The following RAF1 variants were observed in gnomAD, a reference collection of about 807,000 sequenced individuals.
RAF1 encodes RAF proto-oncogene serine/threonine-protein kinase.
In RAF1, 27 loss-of-function variants were observed where a neutral mutation model predicts 81.1. That is an observed-to-expected ratio of 0.33 (90% CI 0.25 to 0.46). The LOEUF is 0.46. Ranked by LOEUF, RAF1 falls within the 20% of genes least tolerant of loss-of-function variation. RAF1 has a pLI of 1.00. For missense variants in RAF1, 598 were observed against 826.0 expected (o/e 0.72, Z 3.38); for synonymous variants, 298 against 294.0 (o/e 1.01, Z -0.14).
chr3:12,612,774 T>C (rs2059256333), intron 2 of RAF1, among the ~76,000 whole-genome samples: 1 of 151,612 alleles, frequency 6.6e-6, no homozygotes, highest in South Asian at 2.1e-4. Context: ...AAAGATAAAA[T>C]GATAAACTTT....
chr3:12,623,400 A>G (rs1036825026), intron 1 of RAF1, among the ~76,000 whole-genome samples: 1 of 152,238 alleles, frequency 6.6e-6, no homozygotes, highest in African/African-American at 2.4e-5. Flanking sequence ...ATAAAAAGTG[A>G]CAAAATAAAA....
At chr3:12,634,421 G>A (rs1215513291) in intron 1 of RAF1, among the ~76,000 whole-genome samples, 2 of 152,012 alleles carry the variant, frequency 1.3e-5, no homozygotes, top group Non-Finnish European at 2.9e-5. Context: ...AAAATGCTGG[G>A]ATTACGGGCT....
chr3:12,636,912 T>C (rs998659419), intron 1 of RAF1, among the ~76,000 whole-genome samples: 11 of 152,184 alleles, frequency 7.2e-5, no homozygotes, highest in African/African-American at 2.4e-4. Flanking sequence ...CTGAACACTT[T>C]TGGTTTAGTA....
chr3:12,621,259 G>A (rs990543279), intron 1 of RAF1, among the ~76,000 whole-genome samples: 6 of 152,098 alleles, frequency 3.9e-5, no homozygotes, highest in Non-Finnish European at 8.8e-5. Flanking sequence ...TCTGAACTGG[G>A]CTGCACTGAC....
chr3:12,600,644 T>C (rs960497300), intron 8 of RAF1, among the ~76,000 whole-genome samples: 2 of 152,218 alleles, frequency 1.3e-5, no homozygotes, highest in African/African-American at 4.8e-5. Context: ...GGATTTAATA[T>C]TCCACCTCCC....
chr3:12,584,644 A>G lies in RAF1; in HGVS notation c.1877T>C (p.Ile626Thr). Residue 626 changes from isoleucine to threonine, a missense_variant, in exon 18 of 18, where the codon ATT becomes ACT. By Grantham distance (89) the Ile-to-Thr change is moderately conservative. Around this residue, in one of 5 missense-constraint regions of RAF1, gnomAD observed 147 missense variants for 196.1 expected, o/e 0.75. Transcript: ENST00000442415. Reference sequence around the variant, plus strand: ...CGGTAGAGAGTGTTGGAGCAGCTCAATGGAAGACAGGATCTGAAACAAAGC... The same window carrying G: ...CGGTAGAGAGTGTTGGAGCAGCTCAGTGGAAGACAGGATCTGAAACAAAGC... 13 of 1,614,168 alleles carry G rather than the reference A, an allele frequency of 8.1e-6. No homozygotes were observed. Among genetic ancestry groups the G allele is most frequent in the Non-Finnish European group, 1.0e-5 (12 of 1,180,030 alleles).
At chr3:12,658,476 C>T (rs989306272) in intron 1 of RAF1, among the ~76,000 whole-genome samples, 10 of 152,070 alleles carry the variant, frequency 6.6e-5, no homozygotes, top group Admixed American at 4.6e-4. Context: ...GTGGCGCATG[C>T]CTGTAATCCC....
rs1296351149 is a variant in RAF1, at chr3:12,603,553, G to A, written c.835-16C>T. On this transcript the variant is annotated splice_polypyrimidine_tract_variant and intron_variant, in intron 7 of 17. Coordinates refer to ENST00000442415, the MANE Select transcript of RAF1 (RefSeq NM_001354689.3). Reference sequence around the variant, plus strand: ...GGTTGTTATTCTAGTCCAAAGCAATGAGAAATAAAGAAGAATAAAGAACAA... The same window carrying A: ...GGTTGTTATTCTAGTCCAAAGCAATAAGAAATAAAGAAGAATAAAGAACAA... 1 of 696,362 alleles carries A rather than the reference G, an allele frequency of 1.4e-6. No homozygotes were observed. The highest frequency in any genetic ancestry group is 2.6e-6 in the Non-Finnish European group (1 of 381,948). 43.1% of individuals were successfully genotyped at this position (696,362 alleles called of 1,614,324 possible). A position where few individuals can be genotyped will look rare whatever the true frequency, so the allele number is the denominator to read the frequency against.
intron 1 of RAF1, among the ~76,000 whole-genome samples, chr3:12,657,985 T>C (rs915548915): frequency 1.3e-5 from 2 of 152,220 alleles, no homozygotes; most frequent in Non-Finnish European, 2.9e-5. Context: ...GGACATTACA[T>C]ATAAATGGAA....
chr3:12,661,734 A>G (rs561228598), intron 1 of RAF1, among the ~76,000 whole-genome samples: 15 of 152,242 alleles, frequency 9.9e-5, no homozygotes, highest in Non-Finnish European at 1.8e-4. Context: ...ATAATAAAAT[A>G]AAAATTAGTA....
intron 1 of RAF1, among the ~76,000 whole-genome samples, chr3:12,652,127 A>G (rs370395018): frequency 4.0e-5 from 6 of 151,848 alleles, no homozygotes; most frequent in Middle Eastern, 3.4e-3. Flanking sequence ...GAGGCAGGAG[A>G]ATCGCTTGAA....
Position 12,584,465 on chromosome 3 carries a change from G to A in RAF1, c.*49C>T, listed in dbSNP as rs772843443. 1.9e-6 allele frequency: 3 copies of A among 1,612,028 alleles called. No homozygotes were observed. Among genetic ancestry groups the A allele is most frequent in the Non-Finnish European group, 2.5e-6 (3 of 1,178,412 alleles). ...GAAAGGGAGCAGAAAAGTGGTGCCT[G>A]CTGGCTTCTCCTCCTCCCCTGGCAG... On this transcript the variant is annotated 3_prime_UTR_variant, in exon 18 of 18. Coordinates refer to ENST00000442415, the MANE Select transcript of RAF1 (RefSeq NM_001354689.3).
chr3:12,586,591 A>G (rs537334683), intron 14 of RAF1, among the ~76,000 whole-genome samples: 5 of 152,286 alleles, frequency 3.3e-5, no homozygotes, highest in South Asian at 2.1e-4. Flanking sequence ...AAAATAGGCC[A>G]TGTCCCATAA....
intron 1 of RAF1, among the ~76,000 whole-genome samples, chr3:12,645,999 T>G (rs2060337941): frequency 6.6e-6 from 1 of 152,232 alleles, no homozygotes; most frequent in Non-Finnish European, 1.5e-5. Flanking sequence ...TTCTTCATAT[T>G]TAAGAGATTT....
intron 1 of RAF1, among the ~76,000 whole-genome samples, chr3:12,640,897 T>TA (rs1424561494): frequency 6.6e-6 from 1 of 152,094 alleles, no homozygotes; most frequent in Admixed American, 6.6e-5. Flanking sequence ...CATGCTGCTA[T>TA]AAAGACACAT....
At chr3:12,591,208 G>A (rs997682789) in intron 12 of RAF1, among the ~76,000 whole-genome samples, 1 of 152,152 alleles carries the variant, frequency 6.6e-6, no homozygotes. Context: ...CTTGCTTACA[G>A]AGAGGACATT....
At chr3:12,624,328 G>A (rs1028244148) in intron 1 of RAF1, among the ~76,000 whole-genome samples, 1 of 152,026 alleles carries the variant, frequency 6.6e-6, no homozygotes, top group South Asian at 2.1e-4. Context: ...CTTTATCAAC[G>A]CAAACATCTG....
intron 1 of RAF1, among the ~76,000 whole-genome samples, chr3:12,647,004 T>C (rs1392189618): frequency 6.7e-6 from 1 of 150,364 alleles, no homozygotes; most frequent in Non-Finnish European, 1.5e-5. Flanking sequence ...ATTATTAAAA[T>C]CTTCATTACC....
rs1271437654 is a variant in RAF1 at position 12,585,703 on chromosome 3, G to C, written c.1574C>G (p.Pro525Arg). Residue 525 changes from proline (P) to arginine (R), a missense_variant, in exon 15 of 18, where the codon CCT (proline) becomes CGT (arginine). Around this residue, in one of 5 missense-constraint regions of RAF1, gnomAD observed 147 missense variants for 196.1 expected, o/e 0.75. Transcript: ENST00000442415. ...CACCATCCAGAGGACAGAGCCAGTA[G>C]GTTGTTCAACCTGCTGAGAACCACT... The C allele has an allele frequency of 6.2e-7, 1 of 1,613,884 alleles. No individual in the cohort carries two copies. Among genetic ancestry groups the C allele is most frequent in the Non-Finnish European group, 8.5e-7 (1 of 1,179,764 alleles).
Sources: allele counts gnomAD v4.1 joint callset (sites outside exome capture counted in the v4.1 genomes callset), GRCh38; gene constraint gnomAD v4.1.1; regional missense constraint gnomAD v4.1.1; transcripts MANE v1.5; gene names NCBI Gene and HGNC (gene_info 2026-07-23, HGNC 2026-07-21).